NRG1: variants seen among roughly 807,000 people sequenced by gnomAD.
The protein encoded by NRG1 is neuregulin 1, also known as pro-neuregulin-1, membrane-bound isoform.
In NRG1, 18 loss-of-function variants were observed where a neutral mutation model predicts 63.8. The ratio of observed to expected loss-of-function variants is 0.28; its 90% CI spans 0.19 to 0.42. The LOEUF is 0.42. Ranked by LOEUF, NRG1 falls within the 10% of genes least tolerant of loss-of-function variation. NRG1 has a pLI of 1.00. For missense variants in NRG1, 762 were observed against 814.7 expected, an observed-to-expected ratio of 0.94 and a Z score of 0.79; for synonymous variants, 302 against 301.3, an observed-to-expected ratio of 1.00 and a Z score of -0.02.
At chr8:32,716,975 A>G (rs1819405884) in intron 5 of NRG1, among the ~76,000 whole-genome samples, 1 of 152,142 alleles carries the variant, frequency 6.6e-6, no homozygotes, top group Admixed American at 6.6e-5. Flanking sequence ...GAAAGCCAAC[A>G]GTAGAAAAAC....
chr8:31,809,823 G>A (rs1205403462), intron 1 of NRG1, among the ~76,000 whole-genome samples: 1 of 128,190 alleles, frequency 7.8e-6, no homozygotes, highest in Non-Finnish European at 1.6e-5. Flanking sequence ...TTTCTGACCC[G>A]AGTGCTCTCT....
intron 1 of NRG1, among the ~76,000 whole-genome samples, chr8:31,914,982 A>G (rs968661876): frequency 6.6e-6 from 1 of 152,072 alleles, no homozygotes; most frequent in African/African-American, 2.4e-5. Flanking sequence ...CACAATTATC[A>G]GTTATGTATA....
intron 1 of NRG1, among the ~76,000 whole-genome samples, chr8:32,031,473 A>G (rs1420072268): frequency 2.0e-5 from 3 of 151,546 alleles, no homozygotes; most frequent in Non-Finnish European, 2.9e-5. Context: ...CCCCTCCCAC[A>G]CTGCCTATTT....
intron 1 of NRG1, among the ~76,000 whole-genome samples, chr8:31,988,629 A>G (rs1315942005): frequency 6.6e-6 from 1 of 152,136 alleles, no homozygotes; most frequent in Admixed American, 6.5e-5. Context: ...AGAAGTCACA[A>G]TGATGAGAAA....
At chr8:31,647,053 A>G (rs1215906194) in intron 1 of NRG1, among the ~76,000 whole-genome samples, 1 of 152,240 alleles carries the variant, frequency 6.6e-6, no homozygotes, top group Non-Finnish European at 1.5e-5. Context: ...GCTGTAGTCT[A>G]TGAACCCTTA....
chr8:31,936,732 C>T (rs1464934193), intron 1 of NRG1, among the ~76,000 whole-genome samples: 1 of 152,186 alleles, frequency 6.6e-6, no homozygotes, highest in Non-Finnish European at 1.5e-5. Flanking sequence ...TCGTGGTGTT[C>T]ATCACGTACA....
intron 1 of NRG1, among the ~76,000 whole-genome samples, chr8:32,256,958 T>C (rs183108966): frequency 2.0e-5 from 3 of 152,352 alleles, no homozygotes; most frequent in Non-Finnish European, 4.4e-5. Flanking sequence ...CTGGAGCTGC[T>C]GCCTTTCTTT....
intron 1 of NRG1, among the ~76,000 whole-genome samples, chr8:32,332,393 G>A (rs1802758483): frequency 6.6e-6 from 1 of 152,056 alleles, no homozygotes; most frequent in Non-Finnish European, 1.5e-5. Context: ...GGTTTATTCT[G>A]CTCTGGGAAG....
intron 1 of NRG1, among the ~76,000 whole-genome samples, chr8:32,189,281 T>C (rs530283862): frequency 6.6e-6 from 1 of 152,272 alleles, no homozygotes; most frequent in South Asian, 2.1e-4. Flanking sequence ...CCCATCTTTA[T>C]GTTCATGTGT....
At chr8:32,748,360 GA>G (rs1827965393) in intron 7 of NRG1, among the ~76,000 whole-genome samples, 2 of 54,922 alleles carry the variant, frequency 3.6e-5, no homozygotes, top group Non-Finnish European at 1.1e-4. Flanking sequence ...CACACACACA[GA>G]GAGAGAGAGA....
rs528939270 is a variant in NRG1, at chr8:32,198,173, G to T, written c.38-397655G>T. ...GGCATTTTTTATTGTTTCCTTTTTT[G>T]TTTGTTTGTTTGTTTGTTTTGTGAG... On this transcript the variant is annotated intron_variant, in intron 1 of 10. Transcript: ENST00000519301. Among the ~76,000 whole-genome samples, 4 of 151,902 alleles carry T rather than the reference G, an allele frequency of 2.6e-5. No individual in the cohort carries two copies. The East Asian group carries it at 7.7e-4, about 29-fold the overall frequency.
chr8:32,532,533 C>G (rs1184415965), intron 1 of NRG1, among the ~76,000 whole-genome samples: 1 of 152,054 alleles, frequency 6.6e-6, no homozygotes, highest in African/African-American at 2.4e-5. Flanking sequence ...GTTTATGAAG[C>G]TGCTCTAATG....
chr8:32,607,245 TA>T, intron 3 of NRG1, among the ~76,000 whole-genome samples: 1 of 152,202 alleles, frequency 6.6e-6, no homozygotes, highest in Non-Finnish European at 1.5e-5. Context: ...TATAGGATGC[TA>T]CCTGAAACAC....
chr8:32,747,364 C>G (rs1439141480), intron 7 of NRG1, among the ~76,000 whole-genome samples: 1 of 151,932 alleles, frequency 6.6e-6, no homozygotes, highest in South Asian at 2.1e-4. Flanking sequence ...TGGGTCCCAC[C>G]TTCATGGAAA....
intron 1 of NRG1, among the ~76,000 whole-genome samples, chr8:31,850,778 G>A (rs774942457): frequency 6.6e-6 from 1 of 152,140 alleles, no homozygotes; most frequent in Non-Finnish European, 1.5e-5. Context: ...TTCAAAGTGA[G>A]TCTGCACTCT....
chr8:32,284,507 C>CTTCCTTCCTTCT (rs2129473531), intron 1 of NRG1, among the ~76,000 whole-genome samples: 1 of 150,176 alleles, frequency 6.7e-6, no homozygotes, highest in African/African-American at 2.4e-5. Flanking sequence ...TCCTTCCTTC[C>CTTCCTTCCTTCT]TTCCTTCCTT....
At chr8:31,796,638 C>A (rs912234496) in intron 1 of NRG1, among the ~76,000 whole-genome samples, 25 of 151,726 alleles carry the variant, frequency 1.6e-4, no homozygotes, top group African/African-American at 5.3e-4. Context: ...GGGGTTTCAC[C>A]GTGTTAGCCA....
intron 1 of NRG1, among the ~76,000 whole-genome samples, chr8:32,004,086 T>C (rs1813359192): frequency 1.3e-5 from 2 of 151,916 alleles, no homozygotes; most frequent in African/African-American, 2.4e-5. Flanking sequence ...ACAAGAAACA[T>C]GGAAGAACCT....
intron 1 of NRG1, among the ~76,000 whole-genome samples, chr8:32,592,985 T>TA (rs1401613855): frequency 6.6e-6 from 1 of 152,196 alleles, no homozygotes; most frequent in African/African-American, 2.4e-5. Flanking sequence ...ATTCTTATAA[T>TA]ACAGTAACAT....
Sources: gnomAD v4.1 joint callset for allele counts (sites outside exome capture counted in the v4.1 genomes callset) on GRCh38, gnomAD v4.1.1 for gene constraint, MANE v1.5 for transcripts, NCBI Gene and HGNC (gene_info 2026-07-23, HGNC 2026-07-21) for gene names.